The following CREB5 variants were observed in gnomAD, a reference collection of about 807,000 sequenced individuals.
CREB5 encodes cAMP responsive element binding protein 5.
Under a neutral mutation model 57.1 loss-of-function variants are expected in CREB5, and 19 were observed. That is an observed-to-expected ratio of 0.33 (90% CI 0.23 to 0.49). The LOEUF (loss-of-function observed/expected upper bound fraction) is 0.49, where lower values mean the gene tolerates loss of function less well. CREB5 is among the 20% of genes least tolerant of loss of function. The probability of loss-of-function intolerance (pLI) is 0.99; values close to 1 mark genes in which losing one functional copy is unlikely to be tolerated. For missense variants in CREB5, 579 were observed against 671.6 expected (o/e 0.86, Z 1.52); for synonymous variants, 238 against 238.3 (o/e 1.00, Z 0.01).
At chr7:28,743,073 C>A (rs571362352) in intron 7 of CREB5, among the ~76,000 whole-genome samples, 5 of 152,204 alleles carry the variant, frequency 3.3e-5, no homozygotes, top group African/African-American at 1.2e-4. Flanking sequence ...CATGAGCCAC[C>A]GTGCCCAGCT....
intron 1 of CREB5, among the ~76,000 whole-genome samples, chr7:28,421,748 A>G (rs1788257279): frequency 3.1e-5 from 1 of 31,852 alleles, no homozygotes; most frequent in Admixed American, 4.2e-4. Flanking sequence ...TTAGCACCAT[A>G]TATATATACA....
Position 28,820,319 on chromosome 7 carries a change from G to T in CREB5, c.*1040G>T, listed in dbSNP as rs528562451. On this transcript the variant is annotated 3_prime_UTR_variant, in exon 11 of 11. Coordinates refer to ENST00000357727, the MANE Select transcript of CREB5 (RefSeq NM_182898.4). ...TGGTTTTATACGGCCTGCCTATAAC[G>T]TTGAAAATCCATGTACTACATAATA... 2 of 152,494 alleles carry T rather than the reference G, an allele frequency of 1.3e-5. No homozygotes were observed. The highest frequency in any genetic ancestry group is 4.8e-5 in the African/African-American group (2 of 41,388). The allele number at this position is 152,494 out of a possible 1,614,324, so 9.4% of individuals were successfully genotyped here.
In CREB5 at chr7:28,319,380, C is replaced by T. The variant is rs117600882; in HGVS notation, c.-25+19939C>T. Among the ~76,000 whole-genome samples, 892 of 152,262 alleles carry T rather than the reference C, an allele frequency of 5.9e-3. 7 individuals carry two copies. The highest frequency in any genetic ancestry group is 9.8e-3 in the Non-Finnish European group (667 of 68,022). ...TTGCCCATAAGTTGGAGTATTTTTA[C>T]CCCTCAATGTTGGCAAGTTGCAGGG... On this transcript the variant is annotated intron_variant, in intron 1 of 9. Transcript: ENST00000396299.
chr7:28,447,168 G>A (rs1789523600), intron 1 of CREB5, among the ~76,000 whole-genome samples: 1 of 152,208 alleles, frequency 6.6e-6, no homozygotes, highest in Admixed American at 6.5e-5. Flanking sequence ...ATGAATGTTA[G>A]CAATTGTTCT....
At chr7:28,532,138 G>C (rs1793756959) in intron 4 of CREB5, among the ~76,000 whole-genome samples, 2 of 152,212 alleles carry the variant, frequency 1.3e-5, no homozygotes, top group African/African-American at 4.8e-5. Flanking sequence ...GGAAGCCAGA[G>C]CCATGCTATG....
At chr7:28,685,843 G>GCTCTCCGAGCCTGGAACTCAGC (rs1311073924) in intron 5 of CREB5, 2 of 314,630 alleles carry the variant, frequency 6.4e-6, no homozygotes, top group Admixed American at 9.9e-5. Flanking sequence ...CACCACGAAG[G>GCTCTCCGAGCCTGGAACTCAGC]CTCTCCGAGC....
intron 6 of CREB5, among the ~76,000 whole-genome samples, chr7:28,721,062 C>T (rs1210949827): frequency 6.6e-6 from 1 of 152,176 alleles, no homozygotes; most frequent in Non-Finnish European, 1.5e-5. Flanking sequence ...AGCTCCCAAA[C>T]CTGTGACATT....
chr7:28,565,860 G>A (rs1350213731), intron 4 of CREB5, among the ~76,000 whole-genome samples: 3 of 152,216 alleles, frequency 2.0e-5, no homozygotes, highest in Admixed American at 1.3e-4. Context: ...GACAGAGATT[G>A]CAGTGAACCG....
intron 1 of CREB5, among the ~76,000 whole-genome samples, chr7:28,310,007 T>C (rs1785248160): frequency 6.6e-6 from 1 of 152,122 alleles, no homozygotes; most frequent in South Asian, 2.1e-4. Context: ...GGAGGAGGGA[T>C]GAAAGGGTTC....
chr7:28,411,149 G>C (rs1433991707), upstream of CREB5, among the ~76,000 whole-genome samples: 2 of 152,208 alleles, frequency 1.3e-5, no homozygotes, highest in Admixed American at 6.5e-5. Flanking sequence ...AGTCCTGATA[G>C]AAAAGGCAAA....
At chr7:28,692,895 C>T (rs1801345895) in intron 5 of CREB5, among the ~76,000 whole-genome samples, 1 of 152,200 alleles carries the variant, frequency 6.6e-6, no homozygotes, top group Admixed American at 6.5e-5. Flanking sequence ...ACTCCAAAAT[C>T]CACTCCATAG....
intron 1 of CREB5, among the ~76,000 whole-genome samples, chr7:28,335,581 A>G (rs1734514494): frequency 6.6e-6 from 1 of 151,870 alleles, no homozygotes; most frequent in Non-Finnish European, 1.5e-5. Flanking sequence ...TGTCACTTCT[A>G]GTAGTTTTCT....
At chr7:28,773,567 T>C (rs879574894) in intron 7 of CREB5, among the ~76,000 whole-genome samples, 2 of 152,222 alleles carry the variant, frequency 1.3e-5, no homozygotes, top group African/African-American at 2.4e-5. Flanking sequence ...AAGCCTACCA[T>C]TGTATCACAA....
rs148467868 is a variant in CREB5, at chr7:28,706,495, C to T, written c.465-12258C>T. Among the ~76,000 whole-genome samples the T allele has an allele frequency of 7.1e-3, 1,077 of 152,258 alleles. 18 individuals are homozygous for T. Among genetic ancestry groups the T allele is most frequent in the African/African-American group, 0.024 (1,018 of 41,558 alleles). On this transcript the variant is annotated intron_variant, in intron 5 of 10. Coordinates refer to ENST00000357727, the MANE Select transcript of CREB5 (RefSeq NM_182898.4). Reference sequence around the variant, plus strand: ...AACCTAATAATGGAATCAATTTTGTCTACAGGGAAGCCATACTCAGTGGTT... The same window carrying T: ...AACCTAATAATGGAATCAATTTTGTTTACAGGGAAGCCATACTCAGTGGTT...
At chr7:28,457,709 G>A (rs1384889598) in intron 1 of CREB5, among the ~76,000 whole-genome samples, 1 of 152,178 alleles carries the variant, frequency 6.6e-6, no homozygotes, top group Non-Finnish European at 1.5e-5. Flanking sequence ...CTTGTCCTGG[G>A]AGTCAGTTGG....
At chr7:28,380,284 T>A (rs888821649) in intron 1 of CREB5, among the ~76,000 whole-genome samples, 5 of 152,150 alleles carry the variant, frequency 3.3e-5, no homozygotes, top group Non-Finnish European at 7.4e-5. Context: ...CTGCAGAAGG[T>A]GCTAGGAATG....
chr7:28,766,455 T>G (rs1386154029), intron 7 of CREB5, among the ~76,000 whole-genome samples: 3 of 152,224 alleles, frequency 2.0e-5, no homozygotes, highest in Non-Finnish European at 4.4e-5. Flanking sequence ...ATGCAAAGTC[T>G]GTTGAAAAGA....
chr7:28,358,393 C>T (rs55816273), intron 1 of CREB5, among the ~76,000 whole-genome samples: 10,091 of 152,226 alleles, frequency 0.066, 379 homozygotes, highest in East Asian at 0.15. Context: ...GGACTTGACA[C>T]GGCCACTTGT....
Position 28,570,416 on chromosome 7 carries a change from C to T in CREB5, c.343C>T (p.His115Tyr), listed in dbSNP as rs1264704055. The T allele has an allele frequency of 3.1e-6, 5 of 1,614,024 alleles. No homozygotes were observed. The highest frequency in any genetic ancestry group is 1.3e-5 in the African/African-American group (1 of 74,918). Residue 115 changes from histidine to tyrosine, a missense_variant, in exon 5 of 11, where the codon CAC becomes TAC. Physicochemically the swap from His to Tyr is moderately conservative, Grantham distance 83 (BLOSUM62 2). Around this residue, in one of 3 missense-constraint regions of CREB5, gnomAD observed 459 missense variants for 515.7 expected, o/e 0.89. Transcript: ENST00000357727. The part of the protein sequence containing the change: ...VGGAMTGPGT[H>Y]QLSSARLPNH... ...TGGGGCCATGACGGGGCCCGGAACT[C>T]ACCAGCTTAGCAGCGCTCGGCTGCC...
Sources: allele counts gnomAD v4.1 joint callset (sites outside exome capture counted in the v4.1 genomes callset), GRCh38; gene constraint gnomAD v4.1.1; regional missense constraint gnomAD v4.1.1; transcripts MANE v1.5; gene names NCBI Gene and HGNC (gene_info 2026-07-23, HGNC 2026-07-21).